TTLL13: variants seen among roughly 807,000 people sequenced by gnomAD.
TTLL13 encodes tubulin tyrosine ligase like 13, also known as tubulin polyglutamylase TTLL13.
At chr15:90,258,047 G>A in the TTLL13 span, 13 of 1,613,870 alleles carry the variant, frequency 8.1e-6, 1 homozygote, top group South Asian at 8.8e-5. Context: ...GGAAGCTGTC[G>A]ACACTCAACA....
the TTLL13 span, chr15:90,255,715 C>T: frequency 6.2e-7 from 1 of 1,613,790 alleles, no homozygotes; most frequent in Non-Finnish European, 8.5e-7. Context: ...TAGGAAATGC[C>T]ACTTACTCTG....
chr15:90,257,382 G>T, the TTLL13 span: 6 of 1,477,270 alleles, frequency 4.1e-6, no homozygotes, highest in Non-Finnish European at 5.4e-6. Context: ...CAAAGAACAA[G>T]GAATGAAGCC....
the TTLL13 span, chr15:90,262,793 T>C: frequency 1.6e-6 from 2 of 1,222,704 alleles, no homozygotes; most frequent in Non-Finnish European, 2.2e-6. Flanking sequence ...TCCTAATCAG[T>C]AAATTGAATC....
chr15:90,263,139 G>C, the TTLL13 span: 1 of 1,524,406 alleles, frequency 6.6e-7, no homozygotes, highest in Admixed American at 2.1e-5. Flanking sequence ...AACTTCATGA[G>C]AGTCGGGTGA....
At chr15:90,256,554 TTTCTTTC>T in the TTLL13 span, among the ~76,000 whole-genome samples, 1 of 32,558 alleles carries the variant, frequency 3.1e-5, no homozygotes, top group East Asian at 8.6e-4. Context: ...TTTTTCTTTC[TTTCTTTC>T]TTTCTTTCTT....
At chr15:90,254,617 T>G in the TTLL13 span, among the ~76,000 whole-genome samples, 2 of 151,742 alleles carry the variant, frequency 1.3e-5, no homozygotes, top group Non-Finnish European at 2.9e-5. Flanking sequence ...GTGGGCAGAT[T>G]GCTTGAACTC....
At chr15:90,257,112 T>A in the TTLL13 span, 1 of 1,603,372 alleles carries the variant, frequency 6.2e-7, no homozygotes, top group Non-Finnish European at 8.5e-7. Context: ...GTGTTATTAT[T>A]CCCTCATGGG....
the TTLL13 span, chr15:90,264,184 A>G: frequency 1.5e-6 from 1 of 648,326 alleles, no homozygotes; most frequent in Admixed American, 2.9e-5. Flanking sequence ...AAGTTAGGGT[A>G]CCCATTTATT....
chr15:90,259,165 C>T, the TTLL13 span: 303 of 709,400 alleles, frequency 4.3e-4, 4 homozygotes, highest in South Asian at 5.5e-3. Flanking sequence ...GAGTTCAACA[C>T]CAGACTGGGC....
chr15:90,264,950 A>G, the TTLL13 span: 8 of 1,535,768 alleles, frequency 5.2e-6, no homozygotes, highest in Non-Finnish European at 7.0e-6. Context: ...ACTCCTCAAC[A>G]TCAATCAGTT....
At chr15:90,262,543 C>T in the TTLL13 span, 897 of 1,530,584 alleles carry the variant, frequency 5.9e-4, 18 homozygotes, top group East Asian at 0.022. Context: ...AGACCTCGGG[C>T]ACTAAGAGGC....
the TTLL13 span, chr15:90,256,245 C>G: frequency 3.7e-6 from 6 of 1,614,020 alleles, no homozygotes; most frequent in Admixed American, 1.0e-4. Context: ...ACCCGAAATC[C>G]CCGGGAGATC....
the TTLL13 span, among the ~76,000 whole-genome samples, chr15:90,256,536 CTCCT>C: frequency 6.6e-6 from 1 of 150,520 alleles, no homozygotes; most frequent in African/African-American, 2.4e-5. Context: ...GTGCCTCTGT[CTCCT>C]TCCTTTTTCT....
the TTLL13 span, chr15:90,250,825 C>T: frequency 6.2e-7 from 1 of 1,614,038 alleles, no homozygotes; most frequent in African/African-American, 1.3e-5. Context: ...CGAAGAAAGT[C>T]ATAGCCCCAG....
chr15:90,255,444 G>A, the TTLL13 span, among the ~76,000 whole-genome samples: 2 of 152,180 alleles, frequency 1.3e-5, no homozygotes, highest in African/African-American at 4.8e-5. Context: ...AGAGGACTAG[G>A]CCTGGTGGTC....
At chr15:90,252,414 C>T in the TTLL13 span, among the ~76,000 whole-genome samples, 1 of 152,086 alleles carries the variant, frequency 6.6e-6, no homozygotes, top group Admixed American at 6.6e-5. Context: ...CTCCTGGGCT[C>T]AAGTGATCCT....
chr15:90,263,726 C>A, the TTLL13 span: 1 of 668,500 alleles, frequency 1.5e-6, no homozygotes, highest in Non-Finnish European at 2.7e-6. Context: ...TAAGGGGCTG[C>A]TCTTCTCCTC....
At chr15:90,255,803 C>T in the TTLL13 span, 2 of 1,614,064 alleles carry the variant, frequency 1.2e-6, no homozygotes, top group Admixed American at 3.3e-5. Flanking sequence ...CAAAGATCTG[C>T]TGGCTCGGAA....
the TTLL13 span, chr15:90,256,068 G>A: frequency 1.2e-5 from 19 of 1,576,598 alleles, no homozygotes; most frequent in East Asian, 2.2e-5. Flanking sequence ...CTAGATAGCA[G>A]GAAGAGCTCC....
Sources: gnomAD v4.1 joint callset for allele counts (sites outside exome capture counted in the v4.1 genomes callset) on GRCh38, gnomAD v4.1.1 for gene constraint, MANE v1.5 for transcripts, NCBI Gene and HGNC (gene_info 2026-07-23, HGNC 2026-07-21) for gene names.